The following CPQ variants were observed in gnomAD, a reference collection of about 807,000 sequenced individuals.
CPQ encodes Ser-Met dipeptidase.
A neutral mutation model predicts 45.7 loss-of-function variants in CPQ; 37 were observed. That is an observed-to-expected ratio of 0.81 (90% CI 0.62 to 1.07). The LOEUF (loss-of-function observed/expected upper bound fraction) is 1.07, where lower values mean the gene tolerates loss of function less well. Ranked by LOEUF, CPQ falls within the 50% of genes least tolerant of loss-of-function variation. The pLI is 0.00. For synonymous variants in CPQ, 186 were observed against 205.8 expected (o/e 0.90, Z 0.82); for missense variants, 537 against 572.9 (o/e 0.94, Z 0.64).
chr8:97,039,130 G>C (rs1810062240), intron 6 of CPQ, among the ~76,000 whole-genome samples: 1 of 152,202 alleles, frequency 6.6e-6, no homozygotes, highest in Non-Finnish European at 1.5e-5. Context: ...GATCAGTCTA[G>C]TGCCTTACTT....
intron 1 of CPQ, among the ~76,000 whole-genome samples, chr8:96,723,323 C>A (rs1206566087): frequency 6.6e-6 from 1 of 152,028 alleles, no homozygotes; most frequent in Non-Finnish European, 1.5e-5. Context: ...GTTGAAATGG[C>A]CTGAAGGATC....
chr8:96,829,737 A>T (rs1486923354), intron 2 of CPQ, among the ~76,000 whole-genome samples: 1 of 152,070 alleles, frequency 6.6e-6, no homozygotes, highest in Non-Finnish European at 1.5e-5. Flanking sequence ...ATGCTGATTT[A>T]TGTTCTCTCA....
intron 1 of CPQ, among the ~76,000 whole-genome samples, chr8:96,718,329 G>C (rs1586371537): frequency 6.6e-6 from 1 of 152,192 alleles, no homozygotes; most frequent in African/African-American, 2.4e-5. Flanking sequence ...GGTGTGTCTG[G>C]AGTTTTTTCC....
At chr8:96,922,187 A>G (rs1812818200) in intron 4 of CPQ, among the ~76,000 whole-genome samples, 3 of 152,220 alleles carry the variant, frequency 2.0e-5, no homozygotes, top group African/African-American at 7.2e-5. Flanking sequence ...AATTAAAAAG[A>G]TGTTTCCAAA....
chr8:96,880,081 G>C, intron 4 of CPQ, 76 bp downstream of exon 4: 2 of 1,314,008 alleles, frequency 1.5e-6, no homozygotes, highest in Admixed American at 3.7e-5. Context: ...GTTTGGGAAA[G>C]AGAGAACGTG....
At chr8:97,100,927 T>G (rs772831024) in intron 7 of CPQ, among the ~76,000 whole-genome samples, 80 of 152,300 alleles carry the variant, frequency 5.3e-4, no homozygotes, top group Middle Eastern at 3.4e-3. Flanking sequence ...TTAGAAATAA[T>G]TTTACAGTTC....
chr8:96,690,589 G>A (rs1193446870), intron 1 of CPQ, among the ~76,000 whole-genome samples: 1 of 152,180 alleles, frequency 6.6e-6, no homozygotes, highest in African/African-American at 2.4e-5. Context: ...CTGTTAGGAT[G>A]TGATGCTTAC....
intron 5 of CPQ, among the ~76,000 whole-genome samples, chr8:96,991,553 CATAATAATAATAATAATA>C (rs36215104): frequency 0.16 from 21,796 of 139,932 alleles, 1,854 homozygotes; most frequent in East Asian, 0.28. Context: ...AAGAGTCTGT[CATAATAATAATAATAATA>C]ATAATAATAA....
At chr8:96,996,903 AGG>A (rs1388346631) in intron 5 of CPQ, among the ~76,000 whole-genome samples, 1 of 152,014 alleles carries the variant, frequency 6.6e-6, no homozygotes, top group African/African-American at 2.4e-5. Context: ...TAGTGGAATA[AGG>A]TAGGCAAAGC....
rs145129084 is a variant in CPQ, at chr8:96,779,732, G to A, written c.-34-5132G>A. 3.2e-4 allele frequency among the ~76,000 whole-genome samples: 49 copies of A among 152,288 alleles called. 1 individual carries two copies. In the East Asian group the frequency reaches 6.0e-3, roughly 19 times the overall value. Reference sequence around the variant, plus strand: ...GTAGATATTTGTGGTTAGTGCTAATGAATAGATGTCTTATGAACCTTTTTT... The same window carrying A: ...GTAGATATTTGTGGTTAGTGCTAATAAATAGATGTCTTATGAACCTTTTTT... On this transcript the variant is annotated intron_variant, in intron 1 of 7. Coordinates refer to ENST00000220763, the MANE Select transcript of CPQ (RefSeq NM_016134.4).
chr8:97,133,176 T>TATATACTCTCTCTC (rs1226621397), intron 7 of CPQ: 1 of 152,166 alleles, frequency 6.6e-6, no homozygotes, highest in African/African-American at 2.4e-5. Flanking sequence ...TATATACCTA[T>TATATACTCTCTCTC]ATATACTCTC....
chr8:96,977,075 G>A (rs1813802553), intron 5 of CPQ, among the ~76,000 whole-genome samples: 1 of 152,058 alleles, frequency 6.6e-6, no homozygotes. Flanking sequence ...CACAGAGTGG[G>A]AGAAAATCTT....
chr8:96,812,400 G>T (rs948974221), intron 2 of CPQ, among the ~76,000 whole-genome samples: 1 of 152,182 alleles, frequency 6.6e-6, no homozygotes, highest in Non-Finnish European at 1.5e-5. Context: ...TAAGCAGCAA[G>T]TATTAATTTA....
Position 97,143,460 on chromosome 8 carries a change from CT to C in CPQ, c.*280del, listed in dbSNP as rs1462277222. ...TCACCTCTTAAAAACATTGTTTCCA[CT>C]TTAAAAGTAAACACTTAATAAATTT... On this transcript the variant is annotated 3_prime_UTR_variant, in exon 8 of 8. Coordinates refer to ENST00000220763, the MANE Select transcript of CPQ (RefSeq NM_016134.4). 1 of 247,894 alleles carries C rather than the reference CT, an allele frequency of 4.0e-6. No homozygotes were observed. The highest frequency in any genetic ancestry group is 8.4e-5 in the East Asian group (1 of 11,906). The allele number at this position is 247,894 out of a possible 1,614,324, so 15.4% of individuals were successfully genotyped here.
intron 5 of CPQ, among the ~76,000 whole-genome samples, chr8:97,025,371 A>G (rs550829624): frequency 1.3e-5 from 2 of 152,290 alleles, no homozygotes; most frequent in Admixed American, 1.3e-4. Context: ...TTTAGAGGAA[A>G]ACCATGTTGG....
intron 5 of CPQ, among the ~76,000 whole-genome samples, chr8:96,980,384 C>T (rs933107865): frequency 2.6e-5 from 4 of 152,146 alleles, no homozygotes; most frequent in East Asian, 3.9e-4. Flanking sequence ...CTGCCCACCT[C>T]GGCCTCCCAA....
At chr8:96,982,401 G>C (rs1424112012) in intron 5 of CPQ, among the ~76,000 whole-genome samples, 1 of 152,000 alleles carries the variant, frequency 6.6e-6, no homozygotes, top group Non-Finnish European at 1.5e-5. Context: ...CAGTGCAATG[G>C]CACATCAGCT....
At chr8:96,957,922 C>T (rs1043070749) in intron 4 of CPQ, among the ~76,000 whole-genome samples, 1 of 151,060 alleles carries the variant, frequency 6.6e-6, no homozygotes, top group South Asian at 2.1e-4. Flanking sequence ...TAGCCACAGT[C>T]TTCTGGACTC....
chr8:97,014,847 C>A (rs1368467814), intron 5 of CPQ, among the ~76,000 whole-genome samples: 1 of 151,916 alleles, frequency 6.6e-6, no homozygotes, highest in East Asian at 1.9e-4. Flanking sequence ...ATCTTCTCCA[C>A]CATAATCATA....
Sources: gnomAD v4.1 joint callset for allele counts (sites outside exome capture counted in the v4.1 genomes callset) on GRCh38, gnomAD v4.1.1 for gene constraint, MANE v1.5 for transcripts, NCBI Gene and HGNC (gene_info 2026-07-23, HGNC 2026-07-21) for gene names.